HSP90AB1: variants seen among roughly 807,000 people sequenced by gnomAD.
HSP90AB1 encodes heat shock protein HSP 90-beta.
A neutral mutation model predicts 67.8 loss-of-function variants in HSP90AB1; 17 were observed. The observed-to-expected ratio is 0.25, with a 90% CI of 0.17 to 0.38. The LOEUF is 0.38. Ranked by LOEUF, HSP90AB1 falls within the 10% of genes least tolerant of loss-of-function variation. The pLI is 1.00. For missense variants in HSP90AB1, 690 were observed against 899.9 expected, an observed-to-expected ratio of 0.77 and a Z score of 2.98; for synonymous variants, 390 against 312.9, an observed-to-expected ratio of 1.25 and a Z score of -2.60.
In HSP90AB1 at chr6:44,252,052, C is replaced by T. The variant is rs1415373882; in HGVS notation, c.1516C>T (p.Arg506Trp). Residue 506 changes from arginine to tryptophan, a missense_variant, in exon 10 of 12, where the codon CGG becomes TGG. By Grantham distance (101) the Arg-to-Trp change is moderately radical. This residue lies in a region of HSP90AB1 where 206 missense variants were observed against 221.4 expected (regional missense o/e 0.93). Transcript: ENST00000371646. ...NSAFVERVRK[R>W]GFEVVYMTEP... The stretch of plus-strand genomic sequence containing the variant: ...AGCTTTTGTGGAGCGAGTGCGGAAA[C>T]GGGGCTTCGAGGTGGTATATATGAC... 3 of 1,614,012 alleles carry T rather than the reference C, an allele frequency of 1.9e-6. No individual in the cohort carries two copies. Among genetic ancestry groups the T allele is most frequent in the Non-Finnish European group, 2.5e-6 (3 of 1,180,034 alleles).
chr6:44,252,883 C>T (rs1161062838), intron 10 of HSP90AB1, among the ~76,000 whole-genome samples, 162 bp from the exon 11 acceptor site: 4 of 151,982 alleles, frequency 2.6e-5, no homozygotes, highest in Non-Finnish European at 5.9e-5. Flanking sequence ...GCTACCACAC[C>T]CGGTTAATTT....
rs1452375299 is a variant in HSP90AB1, at chr6:44,247,186, TC to T, written c.-9del. Reference sequence around the variant, plus strand: ...TGCTCACTATTACGTATAATCCTTTTCTTTTCAAGGTAAGGCTGAGATCTCC... The same window carrying T: ...TGCTCACTATTACGTATAATCCTTTTTTTTCAAGGTAAGGCTGAGATCTCC... On this transcript the variant is annotated 5_prime_UTR_variant, in exon 1 of 12. Coordinates refer to ENST00000371646, the MANE Select transcript of HSP90AB1 (RefSeq NM_007355.4). 1.3e-5 allele frequency: 2 copies of T among 152,224 alleles called. No homozygotes were observed. The highest frequency in any genetic ancestry group is 6.5e-5 in the Admixed American group (1 of 15,278). The allele number at this position is 152,224 out of a possible 1,614,324, so 9.4% of individuals were successfully genotyped here. A position where few individuals can be genotyped will look rare whatever the true frequency, so the allele number is the denominator to read the frequency against.
Position 44,253,622 on chromosome 6 carries a change from C to T in HSP90AB1, c.*24C>T, listed in dbSNP as rs1432456665. 4 of 1,580,714 alleles carry T rather than the reference C, an allele frequency of 2.5e-6. No individual in the cohort carries two copies. The highest frequency in any genetic ancestry group is 3.5e-6 in the Non-Finnish European group (4 of 1,149,790). Reference sequence around the variant, plus strand: ...AGGTTAGGAGTTCATAGTTGGAAAACTTGTGCCCTTGTATAGTGTCCCCAT... The same window carrying T: ...AGGTTAGGAGTTCATAGTTGGAAAATTTGTGCCCTTGTATAGTGTCCCCAT... On this transcript the variant is annotated 3_prime_UTR_variant, in exon 12 of 12. Coordinates refer to ENST00000371646, the MANE Select transcript of HSP90AB1 (RefSeq NM_007355.4).
chr6:44,250,148 C>T lies in HSP90AB1; in HGVS notation c.642C>T (p.Thr214=), dbSNP rs776790692. The T allele has an allele frequency of 1.2e-5, 20 of 1,614,152 alleles. No homozygotes were observed. The highest frequency in any genetic ancestry group is 1.7e-5 in the Non-Finnish European group (20 of 1,180,022). Residue 214 remains threonine, a synonymous_variant, in exon 5 of 12, where the codon ACC becomes ACT. Transcript: ENST00000371646. ...CTCAGTTCATAGGCTATCCCATCAC[C>T]CTTTATGTGAGTATGGACTTTTAAA... ...KHSQFIGYPI[T]LYLEKEREKE... is the part of the protein sequence containing the mutation.
Position 44,253,285 on chromosome 6 carries a change from C to T in HSP90AB1, c.1972C>T (p.Leu658=), listed in dbSNP as rs2153323375. 2 of 1,614,216 alleles carry T rather than the reference C, an allele frequency of 1.2e-6. No individual in the cohort carries two copies. The highest frequency in any genetic ancestry group is 1.1e-5 in the South Asian group (1 of 91,086). ...DKAVKDLVVL[L]FETALLSSGF... ...GGCAGTTAAGGACCTGGTGGTGCTG[C>T]TGTTTGAAACCGCCCTGCTATCTTC... is the stretch of plus-strand genomic sequence containing the variant. Residue 658 remains leucine, a synonymous_variant, in exon 11 of 12, where the codon CTG becomes TTG. Coordinates refer to ENST00000371646, the MANE Select transcript of HSP90AB1 (RefSeq NM_007355.4).
Position 44,253,152 on chromosome 6 carries a change from C to T in HSP90AB1, c.1839C>T (p.Asp613=), listed in dbSNP as rs150398983. The T allele has an allele frequency of 6.1e-3, 9,837 of 1,614,216 alleles. 59 individuals are homozygous for T. Among genetic ancestry groups the T allele is most frequent in the South Asian group, 0.013 (1,142 of 91,082 alleles). ...TCATGAAAGCCCAGGCACTTCGGGA[C>T]AACTCCACCATGGGCTATATGATGG... is the stretch of plus-strand genomic sequence containing the variant. ...ERIMKAQALR[D]NSTMGYMMAK... The change falls in exon 11 of 12, where the codon GAC becomes GAT. Residue 613 remains aspartate (D), a synonymous_variant. Transcript: ENST00000371646.
Position 44,248,695 on chromosome 6 carries a change from C to T in HSP90AB1, c.66C>T (p.Ala22=), listed in dbSNP as rs150194710. The T allele has an allele frequency of 4.8e-5, 78 of 1,613,878 alleles. No individual in the cohort carries two copies. In the Middle Eastern group the frequency reaches 8.2e-4, roughly 17 times the overall value. The change falls in exon 2 of 12, where the codon GCC becomes GCT. Residue 22 remains alanine (A), a synonymous_variant. Coordinates refer to ENST00000371646, the MANE Select transcript of HSP90AB1 (RefSeq NM_007355.4). ...VETFAFQAEI[A]QLMSLIINTF... is the part of the protein sequence containing the mutation. ...CTTTTGCCTTTCAGGCAGAAATTGCCCAACTCATGTCCCTCATCATCAATA... is the reference window on the plus strand; with the variant it reads ...CTTTTGCCTTTCAGGCAGAAATTGCTCAACTCATGTCCCTCATCATCAATA...
intron 2 of HSP90AB1, 61 bp downstream of exon 2, chr6:44,248,837 G>A: frequency 1.3e-6 from 2 of 1,501,134 alleles, no homozygotes; most frequent in Non-Finnish European, 1.8e-6. Context: ...AGAAGGAGGG[G>A]AAAGGAGTGG....
At chr6:44,250,246 G>A (rs1424861604) in intron 5 of HSP90AB1, 45 bp from the exon 6 acceptor site, 2 of 1,610,536 alleles carry the variant, frequency 1.2e-6, no homozygotes, top group African/African-American at 1.3e-5. Flanking sequence ...GCTTTCCCTG[G>A]TAGTGTTTTG....
At position 44,252,276 on chromosome 6, in the gene HSP90AB1, T is replaced by C; in HGVS notation, c.1731+9T>C. The C allele has an allele frequency of 6.2e-7, 1 of 1,611,762 alleles. No individual in the cohort carries two copies. The highest frequency in any genetic ancestry group is 8.5e-7 in the Non-Finnish European group (1 of 1,179,294). On this transcript the variant is annotated intron_variant, in intron 10 of 11. Transcript: ENST00000371646. ...ATAAGAAGGTTGAGAAGGTAAGCCA[T>C]TCTGGGGCTAGGATATATTTTGTAA...
Position 44,249,521 on chromosome 6 carries a change from C to G in HSP90AB1, c.292C>G (p.Leu98Val), listed in dbSNP as rs147289632. 2.0e-5 allele frequency: 33 copies of G among 1,614,010 alleles called. No homozygotes were observed. The highest frequency in any genetic ancestry group is 2.8e-5 in the Non-Finnish European group (33 of 1,179,986). The change falls in exon 3 of 12, where the codon CTC (leucine) becomes GTC (valine). Residue 98 changes from leucine to valine, a missense_variant. Around this residue, in one of 7 missense-constraint regions of HSP90AB1, gnomAD observed 88 missense variants for 167.7 expected, o/e 0.52. Transcript: ENST00000371646. ...AGGCATTGGCATGACCAAAGCTGAT[C>G]TCATAAATAATTTGGGAACCATTGC... is the stretch of plus-strand genomic sequence containing the variant. ...DTGIGMTKAD[L>V]INNLGTIAKS...
At position 44,250,454 on chromosome 6, in the gene HSP90AB1, A is replaced by T. The variant is rs1409545946; in HGVS notation, c.812A>T (p.Lys271Met). 6 of 1,613,804 alleles carry T rather than the reference A, an allele frequency of 3.7e-6. No homozygotes were observed. The highest frequency in any genetic ancestry group is 2.2e-5 in the South Asian group (2 of 91,074). Residue 271 changes from lysine to methionine, a missense_variant, in exon 6 of 12, where the codon AAG (lysine) becomes ATG (methionine). Around this residue, in one of 7 missense-constraint regions of HSP90AB1, gnomAD observed 146 missense variants for 143.7 expected, o/e 1.02. Transcript: ENST00000371646. ...SGKDKKKKTK[K>M]IKEKYIDQEE... ...AAGGATAAGAAGAAGAAAACTAAGA[A>T]GATCAAAGAGAAATACATTGATCAG...
At chr6:44,251,371 T>A (rs1380580291) in intron 7 of HSP90AB1, 47 bp from the exon 8 acceptor site, 4 of 1,569,184 alleles carry the variant, frequency 2.5e-6, no homozygotes, top group East Asian at 4.5e-5. Context: ...GGACCAGGTC[T>A]GGTCTAGCTG....
intron 2 of HSP90AB1, 119 bp from the exon 3 acceptor site, chr6:44,249,258 G>T (rs998217713): frequency 1.8e-5 from 14 of 777,500 alleles, no homozygotes; most frequent in Non-Finnish European, 3.0e-5. Flanking sequence ...AGGATGGCTC[G>T]AACCTGGGAG....
intron 5 of HSP90AB1, 23 bp from the exon 6 acceptor site, chr6:44,250,268 T>C: frequency 6.2e-7 from 1 of 1,612,024 alleles, no homozygotes; most frequent in Non-Finnish European, 8.5e-7. Flanking sequence ...ACTCCAAGGC[T>C]AACTTCTGTT....
chr6:44,252,569 C>T (rs1341626899), intron 10 of HSP90AB1, among the ~76,000 whole-genome samples: 1 of 152,058 alleles, frequency 6.6e-6, no homozygotes, highest in African/African-American at 2.4e-5. Flanking sequence ...GATCTCTGCT[C>T]ATTGCAAGCT....
At chr6:44,249,994 T>C (rs1561898791) in intron 4 of HSP90AB1, 27 bp from the exon 5 acceptor site, 3 of 1,613,672 alleles carry the variant, frequency 1.9e-6, no homozygotes, top group South Asian at 2.2e-5. Context: ...TTTTACCCTG[T>C]TACACGCTTG....
chr6:44,251,432 G>A lies in HSP90AB1; in HGVS notation c.1138G>A (p.Val380Met), dbSNP rs1437459799. Residue 380 changes from valine to methionine, a missense_variant, in exon 8 of 12, where the codon GTG (valine) becomes ATG (methionine). This residue lies in a region of HSP90AB1 where 101 missense variants were observed against 174.8 expected (regional missense o/e 0.58). Coordinates refer to ENST00000371646, the MANE Select transcript of HSP90AB1 (RefSeq NM_007355.4). The stretch of plus-strand genomic sequence containing the variant: ...GTTGATGGCAGATTTTATCCGTGGT[G>A]TGGTTGACTCTGAGGATCTGCCCCT... ...IPEYLNFIRG[V>M]VDSEDLPLNI... The A allele has an allele frequency of 2.5e-6, 4 of 1,603,842 alleles. No homozygotes were observed. The South Asian group carries it at 4.4e-5, about 18-fold the overall frequency.
chr6:44,253,651 C>A lies in HSP90AB1; in HGVS notation c.*53C>A. The A allele has an allele frequency of 1.5e-6, 2 of 1,356,800 alleles. No individual in the cohort carries two copies. Among genetic ancestry groups the A allele is most frequent in the Non-Finnish European group, 2.1e-6 (2 of 945,218 alleles). The allele number at this position is 1,356,800 out of a possible 1,614,324, so 84.0% of individuals were successfully genotyped here. A position where few individuals can be genotyped will look rare whatever the true frequency, so the allele number is the denominator to read the frequency against. ...TGCCCTTGTATAGTGTCCCCATGGG[C>A]TCCCACTGCAGCCTCGAGTGCCCCT... is the stretch of plus-strand genomic sequence containing the variant. On this transcript the variant is annotated 3_prime_UTR_variant, in exon 12 of 12. Transcript: ENST00000371646.
Sources: gnomAD v4.1 joint callset for allele counts (sites outside exome capture counted in the v4.1 genomes callset) on GRCh38, gnomAD v4.1.1 for gene constraint, gnomAD v4.1.1 regional missense constraint, MANE v1.5 for transcripts, NCBI Gene and HGNC (gene_info 2026-07-23, HGNC 2026-07-21) for gene names.